CCDC60: variants seen among roughly 807,000 people sequenced by gnomAD.
The protein encoded by CCDC60 is coiled-coil domain-containing protein 60.
A neutral mutation model predicts 63.5 loss-of-function variants in CCDC60; 54 were observed. The ratio of observed to expected loss-of-function variants is 0.85; its 90% confidence interval spans 0.68 to 1.07. The LOEUF (loss-of-function observed/expected upper bound fraction) is 1.07, where lower values mean the gene tolerates loss of function less well. CCDC60 is among the 50% of genes least tolerant of loss of function. CCDC60 has a pLI of 0.00. For missense variants in CCDC60, 651 were observed against 684.3 expected (o/e 0.95, Z 0.54); for synonymous variants, 206 against 238.8 (o/e 0.86, Z 1.27).
chr12:119,348,685 T>C (rs1955622397), intron 1 of CCDC60, among the ~76,000 whole-genome samples: 1 of 152,212 alleles, frequency 6.6e-6, no homozygotes, highest in Non-Finnish European at 1.5e-5. Context: ...TTGACATTTT[T>C]CAATGCTCTT....
chr12:119,337,912 T>C (rs1052068142), intron 1 of CCDC60, among the ~76,000 whole-genome samples: 2 of 151,448 alleles, frequency 1.3e-5, no homozygotes, highest in African/African-American at 4.9e-5. Context: ...CTCAAATAAA[T>C]GTAATAGAGT....
chr12:119,489,054 G>A (rs2269739), intron 5 of CCDC60, among the ~76,000 whole-genome samples, 188 bp downstream of exon 5: 15,197 of 152,180 alleles, frequency 0.1, 1,013 homozygotes, highest in East Asian at 0.3. Flanking sequence ...CGTGGGAGCC[G>A]GTTGTGTGCA....
In CCDC60 at chr12:119,436,890, A is replaced by G. The variant is rs1235767704; in HGVS notation, c.170+8128A>G. On this transcript the variant is annotated intron_variant, in intron 2 of 13. Coordinates refer to ENST00000327554, the MANE Select transcript of CCDC60 (RefSeq NM_178499.5). ...ACTCAGGTCCCTGAAGCTATCTTCT[A>G]TAGAAAATCTCCAGTTCTTCTCTCT... Among the ~76,000 whole-genome samples the G allele has an allele frequency of 3.3e-5, 5 of 152,202 alleles. No homozygotes were observed. The East Asian group carries it at 5.8e-4, about 18-fold the overall frequency.
chr12:119,444,444 C>T (rs2136268369), intron 2 of CCDC60, among the ~76,000 whole-genome samples: 1 of 152,336 alleles, frequency 6.6e-6, no homozygotes, highest in East Asian at 1.9e-4. Flanking sequence ...TCTTTTGTAA[C>T]ATGAACTGAG....
At chr12:119,381,247 C>G (rs1956005155) in intron 1 of CCDC60, among the ~76,000 whole-genome samples, 1 of 152,192 alleles carries the variant, frequency 6.6e-6, no homozygotes, top group Non-Finnish European at 1.5e-5. Context: ...GCCAAAACTA[C>G]TCAGTCTGCA....
At chr12:119,440,896 G>C (rs1950430873) in intron 2 of CCDC60, among the ~76,000 whole-genome samples, 1 of 152,204 alleles carries the variant, frequency 6.6e-6, no homozygotes, top group South Asian at 2.1e-4. Context: ...CCAAGGCTGT[G>C]ATGAGGATTA....
intron 1 of CCDC60, among the ~76,000 whole-genome samples, chr12:119,338,144 G>A (rs1191907349): frequency 6.6e-6 from 1 of 152,056 alleles, no homozygotes; most frequent in Non-Finnish European, 1.5e-5. Flanking sequence ...GACCCCAGGG[G>A]TTCCTAGCTC....
chr12:119,369,741 A>G (rs954478705), intron 1 of CCDC60, among the ~76,000 whole-genome samples: 4 of 152,164 alleles, frequency 2.6e-5, no homozygotes, highest in Non-Finnish European at 4.4e-5. Flanking sequence ...GTGTTGAAGC[A>G]GCATCCCGTA....
At chr12:119,506,750 A>G (rs1000197823) in intron 7 of CCDC60, among the ~76,000 whole-genome samples, 2 of 152,130 alleles carry the variant, frequency 1.3e-5, no homozygotes, top group Admixed American at 1.3e-4. Context: ...CAATATTTTG[A>G]GTGGGGTGCT....
intron 13 of CCDC60, among the ~76,000 whole-genome samples, chr12:119,539,826 G>A (rs1473201485): frequency 6.6e-6 from 1 of 152,224 alleles, no homozygotes; most frequent in Non-Finnish European, 1.5e-5. Context: ...GCACCCAAGG[G>A]AATCTCCTGG....
intron 1 of CCDC60, among the ~76,000 whole-genome samples, chr12:119,386,115 C>A (rs536661428): frequency 6.6e-6 from 1 of 152,162 alleles, no homozygotes; most frequent in Non-Finnish European, 1.5e-5. Flanking sequence ...TCCCTGAAGG[C>A]GGCAAGCCTT....
At chr12:119,382,890 T>C (rs1013522368) in intron 1 of CCDC60, among the ~76,000 whole-genome samples, 2 of 152,110 alleles carry the variant, frequency 1.3e-5, no homozygotes, top group Admixed American at 6.5e-5. Flanking sequence ...AAGCTTTACT[T>C]CTCTCCTTTG....
chr12:119,403,872 A>G lies in CCDC60; in HGVS notation c.91-24811A>G, dbSNP rs371095188. On this transcript the variant is annotated intron_variant, in intron 1 of 13. Coordinates refer to ENST00000327554, the MANE Select transcript of CCDC60 (RefSeq NM_178499.5). ...GAAAAATGAAAAATTGTATATATTT[A>G]TGGCATACAACGTGATGTTTTGATG... is the stretch of plus-strand genomic sequence containing the variant. Among the ~76,000 whole-genome samples, 9 of 152,198 alleles carry G rather than the reference A, an allele frequency of 5.9e-5. No homozygotes were observed. In the East Asian group the frequency reaches 7.7e-4, roughly 13 times the overall value.
chr12:119,481,651 G>T (rs965539760), intron 4 of CCDC60, among the ~76,000 whole-genome samples: 3 of 151,960 alleles, frequency 2.0e-5, no homozygotes, highest in Non-Finnish European at 1.5e-5. Context: ...GGTGGTGTTT[G>T]GTTACATCAT....
intron 2 of CCDC60, among the ~76,000 whole-genome samples, chr12:119,459,356 A>G (rs962601716): frequency 1.3e-5 from 2 of 152,226 alleles, no homozygotes; most frequent in African/African-American, 4.8e-5. Flanking sequence ...TGACAGTGAG[A>G]AAAATCTGAC....
intron 13 of CCDC60, among the ~76,000 whole-genome samples, chr12:119,532,016 G>T (rs1268238691): frequency 6.6e-6 from 1 of 152,182 alleles, no homozygotes; most frequent in Non-Finnish European, 1.5e-5. Context: ...AGGCTATGGA[G>T]CGTTTGACAT....
intron 8 of CCDC60, among the ~76,000 whole-genome samples, chr12:119,517,332 C>A (rs1952382272): frequency 6.6e-6 from 1 of 152,146 alleles, no homozygotes; most frequent in South Asian, 2.1e-4. Flanking sequence ...ATTCTCTTTG[C>A]CATTCTGCCA....
intron 3 of CCDC60, among the ~76,000 whole-genome samples, chr12:119,475,346 G>T (rs1951153530): frequency 6.6e-6 from 1 of 152,178 alleles, no homozygotes; most frequent in African/African-American, 2.4e-5. Flanking sequence ...TTGTTTGGAT[G>T]GAGTTTCTCA....
At chr12:119,523,600 A>C in intron 10 of CCDC60, 93 bp from the exon 11 acceptor site, 6 of 1,560,004 alleles carry the variant, frequency 3.8e-6, no homozygotes, top group Non-Finnish European at 5.2e-6. Context: ...CATGCAGAGC[A>C]CCTTGGGGCT....
Sources: allele counts gnomAD v4.1 joint callset (sites outside exome capture counted in the v4.1 genomes callset), GRCh38; gene constraint gnomAD v4.1.1; transcripts MANE v1.5; gene names NCBI Gene and HGNC (gene_info 2026-07-23, HGNC 2026-07-21).